The following SNAP47 variants were observed in gnomAD, a reference collection of about 807,000 sequenced individuals.
The protein encoded by SNAP47 is synaptosomal-associated protein 47.
A neutral mutation model predicts 31.4 loss-of-function variants in SNAP47; 20 were observed. That is an observed-to-expected ratio of 0.64 (90% CI 0.45 to 0.93). The LOEUF (loss-of-function observed/expected upper bound fraction) is 0.93, where lower values mean the gene tolerates loss of function less well. Ranked by LOEUF, SNAP47 falls within the 40% of genes least tolerant of loss-of-function variation. SNAP47 has a pLI of 0.00. For missense variants in SNAP47, 492 were observed against 528.5 expected (o/e 0.93, Z 0.68); for synonymous variants, 194 against 213.4 (o/e 0.91, Z 0.79).
At chr1:227,776,881 G>A (rs1040141658) in intron 4 of SNAP47, 5 of 985,444 alleles carry the variant, frequency 5.1e-6, no homozygotes, top group Middle Eastern at 5.2e-4. Context: ...GGCCTTCAAC[G>A]TAGTGAGACA....
At chr1:227,748,834 G>C (rs1455025344) in intron 2 of SNAP47, among the ~76,000 whole-genome samples, 1 of 152,238 alleles carries the variant, frequency 6.6e-6, no homozygotes, top group Non-Finnish European at 1.5e-5. Context: ...ATGTTCTTCT[G>C]TTATGTTTCT....
rs758404664 is a variant in SNAP47 at position 227,759,128 on chromosome 1, A to AT, written c.632dup (p.Ile213AsnfsTer14). The AT allele has an allele frequency of 6.2e-7, 1 of 1,614,196 alleles. No individual in the cohort carries two copies. Among genetic ancestry groups the AT allele is most frequent in the Non-Finnish European group, 8.5e-7 (1 of 1,180,042 alleles). On this transcript the variant is annotated frameshift_variant, in exon 3 of 5. Transcript: ENST00000617596. LOFTEE classifies it high-confidence loss of function. ...ACCCTTTGGGAAAGAAGGGATACTG[A>AT]TAAAAATTCCTGCTGTTATTTCCCA...
intron 4 of SNAP47, among the ~76,000 whole-genome samples, chr1:227,778,073 CA>C (rs1425690245): frequency 1.3e-5 from 2 of 152,210 alleles, no homozygotes; most frequent in Non-Finnish European, 2.9e-5. Flanking sequence ...ACTTTAATCC[CA>C]AATTTGAGTT....
At chr1:227,744,785 G>T (rs1661849220) in intron 1 of SNAP47, among the ~76,000 whole-genome samples, 1 of 152,232 alleles carries the variant, frequency 6.6e-6, no homozygotes, top group Non-Finnish European at 1.5e-5. Flanking sequence ...GCTTGTGGGT[G>T]CTCCTGGGTG....
chr1:227,732,907 T>A, upstream of SNAP47: 1 of 1,612,810 alleles, frequency 6.2e-7, no homozygotes, highest in East Asian at 2.2e-5. Flanking sequence ...CAGTCGGGCA[T>A]GGAGTCCCTC....
chr1:227,759,900 A>G (rs1184231361), intron 3 of SNAP47, among the ~76,000 whole-genome samples: 1 of 152,176 alleles, frequency 6.6e-6, no homozygotes, highest in Non-Finnish European at 1.5e-5. Context: ...GGAAGCCTGG[A>G]TGAATTCTGG....
chr1:227,776,884 G>A, intron 4 of SNAP47: 1 of 985,444 alleles, frequency 1.0e-6, no homozygotes, highest in Non-Finnish European at 1.2e-6. Context: ...CTTCAACGTA[G>A]TGAGACATTT....
At chr1:227,738,811 A>G (rs751276508) in intron 1 of SNAP47, among the ~76,000 whole-genome samples, 10 of 152,184 alleles carry the variant, frequency 6.6e-5, no homozygotes, top group Non-Finnish European at 1.2e-4. Flanking sequence ...TCAGGTGGGC[A>G]TTGCCTGGAA....
upstream of SNAP47, chr1:227,732,851 G>A: frequency 6.2e-7 from 1 of 1,611,280 alleles, no homozygotes; most frequent in Non-Finnish European, 8.5e-7. Context: ...CCTCCCCCAG[G>A]AGGGTAGCCT....
chr1:227,741,126 G>A lies in SNAP47; in HGVS notation c.-46+5627G>A, dbSNP rs1406956742. 3.3e-5 allele frequency among the ~76,000 whole-genome samples: 5 copies of A among 152,194 alleles called. No individual in the cohort carries two copies. Among genetic ancestry groups the A allele is most frequent in the African/African-American group, 1.2e-4 (5 of 41,432 alleles). ...GAATGTGAAGTTCAAGTGCCTGTTA[G>A]GGGTGGGGGCAGATCAGCGAGTGAT... On this transcript the variant is annotated intron_variant, in intron 1 of 4. Coordinates refer to ENST00000617596, the MANE Select transcript of SNAP47 (RefSeq NM_053052.4). The surrounding 1 kb of genome is among the most constrained non-coding windows in gnomAD (Gnocchi z 4.2).
chr1:227,734,077 G>T (rs1462903365), upstream of SNAP47: 2 of 1,595,772 alleles, frequency 1.3e-6, no homozygotes, highest in South Asian at 1.1e-5. Context: ...CGTGAGGCAC[G>T]AGGAGACTAG....
intron 3 of SNAP47, among the ~76,000 whole-genome samples, chr1:227,760,499 G>A (rs1371789629): frequency 1.3e-5 from 2 of 152,200 alleles, no homozygotes; most frequent in African/African-American, 4.8e-5. Context: ...TGCTCAGCTG[G>A]CCTGTCCTGG....
At chr1:227,764,879 G>C (rs1322129720) in intron 3 of SNAP47, among the ~76,000 whole-genome samples, 1 of 152,060 alleles carries the variant, frequency 6.6e-6, no homozygotes, top group Non-Finnish European at 1.5e-5. Flanking sequence ...ACTCCAGCCT[G>C]GGCGACAGAG....
intron 3 of SNAP47, among the ~76,000 whole-genome samples, chr1:227,761,182 C>T (rs549525413): frequency 2.6e-5 from 4 of 152,312 alleles, no homozygotes; most frequent in East Asian, 1.9e-4. Flanking sequence ...GCTACCCTTT[C>T]GGTTTCTCTA....
At chr1:227,771,621 G>A (rs1473771609) in intron 4 of SNAP47, among the ~76,000 whole-genome samples, 1 of 152,112 alleles carries the variant, frequency 6.6e-6, no homozygotes, top group Non-Finnish European at 1.5e-5. Flanking sequence ...GTTTGTGACA[G>A]TGAACGCCTG....
rs150504474 is a variant in SNAP47 at position 227,759,993 on chromosome 1, C to G, written c.988+508C>G. ...TCTCTTTGCCTGTGTCCGCTTCCCC[C>G]TTGAGTGTCTCTGCCACAACACGAG... On this transcript the variant is annotated intron_variant, in intron 3 of 4. Coordinates refer to ENST00000617596, the MANE Select transcript of SNAP47 (RefSeq NM_053052.4). 4.6e-3 allele frequency among the ~76,000 whole-genome samples: 695 copies of G among 152,324 alleles called. 17 individuals carry two copies. The South Asian group carries it at 0.056, about 12-fold the overall frequency.
chr1:227,733,132 G>T, upstream of SNAP47: 2 of 1,254,484 alleles, frequency 1.6e-6, no homozygotes, highest in Non-Finnish European at 1.1e-6. Flanking sequence ...GCCCTCTGCA[G>T]CCAAGAGGGC....
chr1:227,759,491 TGACC>T lies in SNAP47; in HGVS notation c.988+10_988+13del. Reference sequence around the variant, plus strand: ...CTGCTCAGTCTGGCATGCAGGTTAGTGACCGACAAGGCAGTGAGCGCGTGCACAG... The same window carrying T: ...CTGCTCAGTCTGGCATGCAGGTTAGTGACAAGGCAGTGAGCGCGTGCACAG... On this transcript the variant is annotated splice_region_variant and intron_variant, in intron 3 of 4. Transcript: ENST00000617596. The T allele has an allele frequency of 6.2e-7, 1 of 1,612,674 alleles. No homozygotes were observed. Among genetic ancestry groups the T allele is most frequent in the South Asian group, 1.1e-5 (1 of 91,026 alleles).
At chr1:227,773,030 G>A (rs927955293) in intron 4 of SNAP47, among the ~76,000 whole-genome samples, 19 of 151,998 alleles carry the variant, frequency 1.3e-4, no homozygotes, top group South Asian at 2.1e-4. Context: ...GCATGATCTC[G>A]GTTCACTGCA....
Sources: allele counts gnomAD v4.1 joint callset (sites outside exome capture counted in the v4.1 genomes callset), GRCh38; gene constraint gnomAD v4.1.1; non-coding constraint Gnocchi (gnomAD v3.1); transcripts MANE v1.5; gene names NCBI Gene and HGNC (gene_info 2026-07-23, HGNC 2026-07-21).